AFDN: variants seen among roughly 807,000 people sequenced by gnomAD.
AFDN encodes afadin, adherens junction formation factor, also known as afadin.
AFDN carries 68 observed loss-of-function variants against 216.6 expected under a neutral mutation model. That is an observed-to-expected ratio of 0.31 (90% CI 0.26 to 0.38). The LOEUF (loss-of-function observed/expected upper bound fraction) is 0.38, where lower values mean the gene tolerates loss of function less well. Among genes scored for constraint, AFDN ranks in the 10% least tolerant of loss-of-function variants. The pLI is 1.00. For missense variants in AFDN, 2,136 were observed against 2,342.0 expected (o/e 0.91, Z 1.82); for synonymous variants, 868 against 853.7 (o/e 1.02, Z -0.29).
At chr6:167,926,608 CT>C (rs1158817830) in intron 23 of AFDN, among the ~76,000 whole-genome samples, 3 of 152,118 alleles carry the variant, frequency 2.0e-5, no homozygotes. Context: ...ATTTTAAAAA[CT>C]TTTTTAGAGA....
chr6:167,862,024 T>C (rs1783632663), intron 1 of AFDN, among the ~76,000 whole-genome samples: 1 of 152,212 alleles, frequency 6.6e-6, no homozygotes, highest in Admixed American at 6.5e-5. Context: ...AGTATAAAGA[T>C]GGTTTCAGGG....
chr6:167,925,290 C>G (rs1210448707), intron 23 of AFDN, among the ~76,000 whole-genome samples, 199 bp downstream of exon 23: 2 of 152,158 alleles, frequency 1.3e-5, no homozygotes, highest in Non-Finnish European at 2.9e-5. Context: ...GAGGGATGAT[C>G]TCCTACTCTG....
At chr6:167,969,233 T>G (rs1797845232) in intron 33 of AFDN, 35 bp downstream of exon 33, 2 of 1,483,166 alleles carry the variant, frequency 1.3e-6, no homozygotes, top group Non-Finnish European at 1.9e-6. Flanking sequence ...GAACTTCATC[T>G]GTACCTGATG....
rs749764157 is a variant in AFDN at position 167,914,181 on chromosome 6, T to C, written c.2072T>C (p.Ile691Thr). 4.3e-6 allele frequency: 7 copies of C among 1,613,982 alleles called. No homozygotes were observed. The highest frequency in any genetic ancestry group is 1.7e-5 in the Admixed American group (1 of 59,998). The change falls in exon 17 of 34, where the codon ATT becomes ACT. Residue 691 changes from isoleucine to threonine, a missense_variant. By Grantham distance (89) the Ile-to-Thr change is moderately conservative (BLOSUM62 -1). This residue lies in a region of AFDN where 817 missense variants were observed against 965.7 expected (regional missense o/e 0.85). Coordinates refer to ENST00000683244, the MANE Select transcript of AFDN (RefSeq NM_001386888.1). Reference sequence around the variant, plus strand: ...TTCTGTCTACAGAAACAGAAGAATATTGCAGGGGCACTTGCCTTCTGGATG... The same window carrying C: ...TTCTGTCTACAGAAACAGAAGAATACTGCAGGGGCACTTGCCTTCTGGATG... ...VDQVDQKQKNIAGALAFWMAN... is the reference protein window; with the variant it reads ...VDQVDQKQKNTAGALAFWMAN...
At chr6:167,956,976 T>C (rs1255499445) in intron 30 of AFDN, among the ~76,000 whole-genome samples, 1 of 152,198 alleles carries the variant, frequency 6.6e-6, no homozygotes, top group Non-Finnish European at 1.5e-5. Flanking sequence ...GTCTCTCCTT[T>C]CACTTAGACA....
intron 23 of AFDN, among the ~76,000 whole-genome samples, chr6:167,942,831 A>G (rs541642849): frequency 1.2e-4 from 19 of 152,346 alleles, no homozygotes; most frequent in Non-Finnish European, 2.4e-4. Flanking sequence ...TTTTGTATTA[A>G]AATGATTGAT....
chr6:167,930,002 G>A (rs1218049327), intron 23 of AFDN, among the ~76,000 whole-genome samples: 1 of 152,130 alleles, frequency 6.6e-6, no homozygotes, highest in Non-Finnish European at 1.5e-5. Context: ...CCAGGAGTTC[G>A]AGACCAGTCC....
At chr6:167,889,813 C>T (rs1014702667) in intron 7 of AFDN, among the ~76,000 whole-genome samples, 1 of 152,176 alleles carries the variant, frequency 6.6e-6, no homozygotes, top group Non-Finnish European at 1.5e-5. Flanking sequence ...ACAATATTAG[C>T]ACTACAGCAA....
intron 2 of AFDN, among the ~76,000 whole-genome samples, chr6:167,865,925 C>A (rs1784127030): frequency 6.6e-6 from 1 of 151,760 alleles, no homozygotes; most frequent in African/African-American, 2.4e-5. Flanking sequence ...GTAAGTCAGG[C>A]CATTTTTTGT....
chr6:167,842,423 G>A (rs933294476), intron 1 of AFDN, among the ~76,000 whole-genome samples: 5 of 152,024 alleles, frequency 3.3e-5, no homozygotes, highest in African/African-American at 1.2e-4. Context: ...TAACTATGGG[G>A]CCACAATCCT....
At chr6:167,843,355 G>C (rs1423282719) in intron 1 of AFDN, among the ~76,000 whole-genome samples, 5 of 152,274 alleles carry the variant, frequency 3.3e-5, no homozygotes, top group Non-Finnish European at 7.4e-5. Context: ...TAAAAGTCAA[G>C]GATGTGACAG....
intron 1 of AFDN, among the ~76,000 whole-genome samples, chr6:167,829,287 T>G (rs952448652): frequency 2.0e-5 from 3 of 152,174 alleles, no homozygotes; most frequent in Non-Finnish European, 4.4e-5. Context: ...TCTCGAGAAC[T>G]TTCCTGTACT....
chr6:167,889,256 T>G lies in AFDN; in HGVS notation c.939T>G (p.Gly313=). ...PPGAQHSDEK[G]AKEIILDDDE... ...GAGCCCAGCATTCTGATGAAAAGGG[T>G]GCTAAAGAAATTATTCTTGATGATG... The change falls in exon 7 of 34, where the codon GGT becomes GGG. Residue 313 remains glycine, a synonymous_variant. Coordinates refer to ENST00000683244, the MANE Select transcript of AFDN (RefSeq NM_001386888.1). 6.2e-7 allele frequency: 1 copy of G among 1,614,096 alleles called. No homozygotes were observed. The highest frequency in any genetic ancestry group is 8.5e-7 in the Non-Finnish European group (1 of 1,179,990).
At chr6:167,946,935 C>A in intron 27 of AFDN, 34 bp downstream of exon 27, 1 of 1,561,758 alleles carries the variant, frequency 6.4e-7, no homozygotes, top group Non-Finnish European at 8.7e-7. Context: ...CCTAAGTACA[C>A]TTGTGATCAC....
intron 29 of AFDN, among the ~76,000 whole-genome samples, chr6:167,950,423 T>TGA (rs1795837890): frequency 6.8e-6 from 1 of 147,766 alleles, no homozygotes; most frequent in South Asian, 2.3e-4. Context: ...TGTGTGTGTG[T>TGA]CATTTCTCTC....
rs370176215 is a variant in AFDN at position 167,860,159 on chromosome 6, CTTT to C, written c.106-4366_106-4364del. Among the ~76,000 whole-genome samples, 491 of 79,358 alleles carry C rather than the reference CTTT, an allele frequency of 6.2e-3. 4 individuals carry two copies. Among genetic ancestry groups the C allele is most frequent in the African/African-American group, 0.016 (328 of 21,002 alleles). The allele number at this position is 79,358 out of a possible 152,430, so 52.1% of individuals were successfully genotyped here. A position where few individuals can be genotyped will look rare whatever the true frequency, so the allele number is the denominator to read the frequency against. Reference sequence around the variant, plus strand: ...TAGGTATTAAGTACCTACAGCAATGCTTTTTTTTTTTTTTTTTTTTTTTTTTTT... The same window carrying C: ...TAGGTATTAAGTACCTACAGCAATGCTTTTTTTTTTTTTTTTTTTTTTTTT... On this transcript the variant is annotated intron_variant, in intron 1 of 33. Transcript: ENST00000683244.
chr6:167,826,603 A>T (rs1250637663), upstream of AFDN: 10 of 520,936 alleles, frequency 1.9e-5, no homozygotes, highest in Admixed American at 1.8e-4. Flanking sequence ...AGCACCACCC[A>T]TCGGACCCAG....
Position 167,936,814 on chromosome 6 carries a change from CT to C in AFDN, c.3100-6313del, listed in dbSNP as rs546618517. Among the ~76,000 whole-genome samples the C allele has an allele frequency of 1.8e-4, 28 of 152,258 alleles. 1 individual carries two copies. The South Asian group carries it at 5.8e-3, about 32-fold the overall frequency. On this transcript the variant is annotated intron_variant, in intron 23 of 33. Transcript: ENST00000683244. ...TGAGAAACCTTGGACAAGTGGACACCTTGTAGTTGGACAGAGACTGTGGTGG... is the reference window on the plus strand; with the variant it reads ...TGAGAAACCTTGGACAAGTGGACACCTGTAGTTGGACAGAGACTGTGGTGG...
chr6:167,921,628 C>G (rs1791819425), intron 21 of AFDN, among the ~76,000 whole-genome samples: 1 of 152,070 alleles, frequency 6.6e-6, no homozygotes, highest in Non-Finnish European at 1.5e-5. Flanking sequence ...AGCCAAACCT[C>G]TATTTGTAAT....
Sources: gnomAD v4.1 joint callset for allele counts (sites outside exome capture counted in the v4.1 genomes callset) on GRCh38, gnomAD v4.1.1 for gene constraint, gnomAD v4.1.1 regional missense constraint, MANE v1.5 for transcripts, NCBI Gene and HGNC (gene_info 2026-07-23, HGNC 2026-07-21) for gene names.